DYM: variants seen among roughly 807,000 people sequenced by gnomAD.
The protein encoded by DYM is dymeclin, also known as dyggve-Melchior-Clausen syndrome protein.
DYM carries 78 observed loss-of-function variants against 93.1 expected under a neutral mutation model. The observed-to-expected ratio is 0.84, with a 90% CI of 0.70 to 1.01. DYM has a LOEUF of 1.01. Ranked by LOEUF, DYM falls within the 50% of genes least tolerant of loss-of-function variation. DYM has a pLI of 0.00. For synonymous variants in DYM, 321 were observed against 319.7 expected (o/e 1.00, Z -0.04); for missense variants, 789 against 845.0 (o/e 0.93, Z 0.82).
chr18:49,239,325 T>G (rs1337882006), intron 13 of DYM, among the ~76,000 whole-genome samples: 1 of 152,238 alleles, frequency 6.6e-6, no homozygotes, highest in Non-Finnish European at 1.5e-5. Flanking sequence ...ATCTTAAGAA[T>G]GAAAGTATTC....
At chr18:49,105,363 T>C (rs887878338) in intron 16 of DYM, among the ~76,000 whole-genome samples, 4 of 152,334 alleles carry the variant, frequency 2.6e-5, no homozygotes, top group Non-Finnish European at 5.9e-5. Context: ...AACCAGCTCC[T>C]GGATTCATTG....
chr18:49,397,234 T>G (rs1196927682), intron 2 of DYM, among the ~76,000 whole-genome samples: 8 of 152,248 alleles, frequency 5.3e-5, no homozygotes, highest in Non-Finnish European at 1.2e-4. Context: ...CTATTATTGA[T>G]TCCAAAATGT....
At chr18:49,217,406 C>T (rs564083167) in intron 13 of DYM, among the ~76,000 whole-genome samples, 4,563 of 152,044 alleles carry the variant, frequency 0.03, 130 homozygotes, top group Non-Finnish European at 0.044. Flanking sequence ...ACAGAGAACG[C>T]CACAAAGATA....
At chr18:49,293,094 GTGT>G (rs539941781) in intron 8 of DYM, among the ~76,000 whole-genome samples, 170 of 152,218 alleles carry the variant, frequency 1.1e-3, no homozygotes, top group African/African-American at 3.8e-3. Context: ...TTCTGTTCCT[GTGT>G]TAATTTGCTG....
chr18:49,196,779 G>C (rs1482814820), intron 14 of DYM, among the ~76,000 whole-genome samples: 3 of 152,182 alleles, frequency 2.0e-5, no homozygotes, highest in African/African-American at 7.2e-5. Context: ...GAGCAAGGAA[G>C]ATACATGTAA....
intron 3 of DYM, among the ~76,000 whole-genome samples, chr18:49,389,406 C>T (rs1210279889): frequency 2.0e-5 from 3 of 151,924 alleles, no homozygotes; most frequent in African/African-American, 7.3e-5. Flanking sequence ...ATCAACAATG[C>T]CTATGTCAGG....
intron 8 of DYM, among the ~76,000 whole-genome samples, chr18:49,316,942 C>T (rs1286606291): frequency 6.6e-6 from 1 of 152,202 alleles, no homozygotes; most frequent in African/African-American, 2.4e-5. Flanking sequence ...GAATGTACCA[C>T]AGTTTGACTC....
intron 8 of DYM, among the ~76,000 whole-genome samples, chr18:49,295,378 T>C (rs765230114): frequency 5.9e-5 from 9 of 152,208 alleles, no homozygotes; most frequent in East Asian, 1.9e-4. Flanking sequence ...CAACAAAATA[T>C]GTCTGCATGA....
chr18:49,301,814 G>C (rs184452346), intron 8 of DYM, among the ~76,000 whole-genome samples: 1 of 152,144 alleles, frequency 6.6e-6, no homozygotes, highest in Non-Finnish European at 1.5e-5. Flanking sequence ...GCCTGATAGT[G>C]GCACCTGCAC....
At chr18:49,055,582 C>T (rs1427068607) in intron 17 of DYM, among the ~76,000 whole-genome samples, 3 of 152,188 alleles carry the variant, frequency 2.0e-5, no homozygotes, top group Non-Finnish European at 2.9e-5. Flanking sequence ...AATCTGAATA[C>T]GAGGTGCCAA....
chr18:49,342,948 A>C (rs1254368366), intron 6 of DYM, among the ~76,000 whole-genome samples: 3 of 152,238 alleles, frequency 2.0e-5, no homozygotes, highest in Admixed American at 1.3e-4. Context: ...TATCCCCATC[A>C]TTAAGCAATG....
intron 6 of DYM, among the ~76,000 whole-genome samples, chr18:49,334,693 G>C (rs999303876): frequency 6.6e-6 from 1 of 152,024 alleles, no homozygotes; most frequent in Non-Finnish European, 1.5e-5. Context: ...GAAAAACAAA[G>C]AAAAATACTT....
Position 49,039,000 on chromosome 18 carries a change from T to C in DYM, c.*5055A>G, listed in dbSNP as rs1037770925. 6.6e-6 allele frequency among the ~76,000 whole-genome samples: 1 copy of C among 152,246 alleles called. No homozygotes were observed. The highest frequency in any genetic ancestry group is 2.4e-5 in the African/African-American group (1 of 41,464). On this transcript the variant is annotated 3_prime_UTR_variant, in exon 18 of 18. Transcript: ENST00000675505. Reference sequence around the variant, plus strand: ...TTATGTAGTCAATATTTATGTGTCATTTTCATTGCTCTTCAATCTTTCCTA... The same window carrying C: ...TTATGTAGTCAATATTTATGTGTCACTTTCATTGCTCTTCAATCTTTCCTA...
At chr18:49,059,764 A>C (rs1038281472) in intron 17 of DYM, among the ~76,000 whole-genome samples, 5 of 152,162 alleles carry the variant, frequency 3.3e-5, no homozygotes, top group African/African-American at 1.2e-4. Context: ...ATGCACACCA[A>C]AGTGGGGAAA....
At chr18:49,211,084 G>A (rs1247476794) in intron 13 of DYM, among the ~76,000 whole-genome samples, 1 of 152,106 alleles carries the variant, frequency 6.6e-6, no homozygotes, top group African/African-American at 2.4e-5. Flanking sequence ...GAAATCCTTT[G>A]GAAAAGTGCT....
rs1307545738 is a variant in DYM at position 49,453,121 on chromosome 18, CAATCAGCACT to C, written c.-54+7267_-54+7276del. 1.5e-5 allele frequency among the ~76,000 whole-genome samples: 2 copies of C among 133,430 alleles called. 1 individual carries two copies. The highest frequency in any genetic ancestry group is 5.9e-5 in the African/African-American group (2 of 33,798). The allele number at this position is 133,430 out of a possible 152,430, so 87.5% of individuals were successfully genotyped here. ...TCTAGCTCAAGGTTTGTAAATGCACCAATCAGCACTCTGTATCTAGCTCAGGGTTTGTAAA... is the reference window on the plus strand; with the variant it reads ...TCTAGCTCAAGGTTTGTAAATGCACCCTGTATCTAGCTCAGGGTTTGTAAA... On this transcript the variant is annotated intron_variant, in intron 1 of 17. Transcript: ENST00000675505.
intron 15 of DYM, among the ~76,000 whole-genome samples, chr18:49,127,906 A>G (rs1055809551): frequency 2.6e-5 from 4 of 152,212 alleles, no homozygotes; most frequent in Non-Finnish European, 5.9e-5. Flanking sequence ...GGCGGTGAGC[A>G]GACAGCAGTC....
chr18:49,350,009 T>G (rs1007810447), intron 6 of DYM, among the ~76,000 whole-genome samples: 7 of 152,184 alleles, frequency 4.6e-5, no homozygotes, highest in African/African-American at 1.7e-4. Flanking sequence ...ACAAAAAATT[T>G]TATAATGTAC....
intron 17 of DYM, among the ~76,000 whole-genome samples, chr18:49,090,282 T>C (rs908698083): frequency 6.6e-6 from 1 of 152,134 alleles, no homozygotes; most frequent in Admixed American, 6.5e-5. Flanking sequence ...CCCGGTGAAA[T>C]GGCAGAAATG....
Sources: gnomAD v4.1 joint callset for allele counts (sites outside exome capture counted in the v4.1 genomes callset) on GRCh38, gnomAD v4.1.1 for gene constraint, MANE v1.5 for transcripts, NCBI Gene and HGNC (gene_info 2026-07-23, HGNC 2026-07-21) for gene names.